The following IL1RAPL1 variants were observed in gnomAD, a reference collection of about 807,000 sequenced individuals.
The protein encoded by IL1RAPL1 is interleukin-1 receptor accessory protein-like 1.
IL1RAPL1 carries 3 observed loss-of-function variants against 48.4 expected under a neutral mutation model. The ratio of observed to expected loss-of-function variants is 0.06; its 90% confidence interval spans 0.03 to 0.16. The LOEUF (loss-of-function observed/expected upper bound fraction) is 0.16. IL1RAPL1 is among the 10% of genes least tolerant of loss of function. The pLI is 1.00. For missense variants in IL1RAPL1, 349 were observed against 530.6 expected (o/e 0.66, Z 3.36); for synonymous variants, 185 against 187.7 (o/e 0.99, Z 0.12).
chrX:29,000,040 G>A (rs971861785), intron 2 of IL1RAPL1, among the ~76,000 whole-genome samples: 3 of 111,490 alleles, frequency 2.7e-5, no homozygotes, highest in Non-Finnish European at 5.6e-5. Context: ...TAAGGAAAGA[G>A]TCTGCTGCTT....
intron 6 of IL1RAPL1, 134 bp downstream of exon 6, chrX:29,668,638 C>A: frequency 3.8e-6 from 2 of 528,678 alleles, no homozygotes; most frequent in Non-Finnish European, 6.6e-6. Flanking sequence ...TTAGAAAATG[C>A]TAGCATACCT....
rs1251589707 is a variant in IL1RAPL1, at chrX:29,237,049, C to T, written c.83-45889C>T. On this transcript the variant is annotated intron_variant, in intron 2 of 10. Coordinates refer to ENST00000378993, the MANE Select transcript of IL1RAPL1 (RefSeq NM_014271.4). ...CTTGCCTTTCACCTAGAGCCAAGTTCATTACAAATTCATGCTCACAGCCCA... is the reference window on the plus strand; with the variant it reads ...CTTGCCTTTCACCTAGAGCCAAGTTTATTACAAATTCATGCTCACAGCCCA... 3.6e-5 allele frequency among the ~76,000 whole-genome samples: 4 copies of T among 111,007 alleles called. No individual in the cohort carries two copies. The East Asian group carries it at 1.1e-3, about 32-fold the overall frequency.
intron 2 of IL1RAPL1, among the ~76,000 whole-genome samples, chrX:28,908,738 C>T (rs1349301416): frequency 5.4e-5 from 6 of 111,466 alleles, no homozygotes; most frequent in African/African-American, 1.6e-4. Flanking sequence ...TCAACTGTAT[C>T]CTAACAAATT....
At chrX:28,640,929 C>T (rs1308312551) in intron 1 of IL1RAPL1, among the ~76,000 whole-genome samples, 1 of 110,975 alleles carries the variant, frequency 9.0e-6, no homozygotes, top group African/African-American at 3.3e-5. Flanking sequence ...CATTTATCAT[C>T]CTCACAGTTT....
chrX:28,906,747 TTTTCA>T (rs1923226963), intron 2 of IL1RAPL1, among the ~76,000 whole-genome samples: 1 of 111,973 alleles, frequency 8.9e-6, no homozygotes, highest in Admixed American at 9.5e-5. Context: ...CTTTTCATTT[TTTTCA>T]TTTATTTCTT....
intron 3 of IL1RAPL1, among the ~76,000 whole-genome samples, chrX:29,381,368 G>A (rs1602205506): frequency 9.6e-6 from 1 of 104,117 alleles, no homozygotes; most frequent in African/African-American, 3.5e-5. Context: ...TCAAATTAAT[G>A]ACTTGGCTGG....
chrX:28,626,075 G>A (rs926310502), intron 1 of IL1RAPL1, among the ~76,000 whole-genome samples: 2 of 111,722 alleles, frequency 1.8e-5, no homozygotes, highest in Non-Finnish European at 3.8e-5. Context: ...TTAGAGTTGG[G>A]AGACTCACTG....
intron 1 of IL1RAPL1, among the ~76,000 whole-genome samples, chrX:28,772,121 T>C (rs1445324459): frequency 9.0e-6 from 1 of 110,749 alleles, no homozygotes; most frequent in African/African-American, 3.3e-5. Context: ...ATTTCATTGT[T>C]GGTAGATGAA....
chrX:29,492,212 C>T (rs758445880), intron 5 of IL1RAPL1, among the ~76,000 whole-genome samples: 3 of 112,256 alleles, frequency 2.7e-5, no homozygotes, highest in East Asian at 2.8e-4. Flanking sequence ...GTCTTGTAAC[C>T]GTAAGTGAAG....
At chrX:28,762,533 T>C (rs1410302371) in intron 1 of IL1RAPL1, among the ~76,000 whole-genome samples, 2 of 111,217 alleles carry the variant, frequency 1.8e-5, no homozygotes, top group Non-Finnish European at 3.8e-5. Flanking sequence ...TGGTAGAGTC[T>C]CTTTCAGACA....
At chrX:28,693,426 G>A (rs1935199933) in intron 1 of IL1RAPL1, among the ~76,000 whole-genome samples, 1 of 112,368 alleles carries the variant, frequency 8.9e-6, no homozygotes, top group Non-Finnish European at 1.9e-5. Context: ...TGCCTTTAAT[G>A]ATGTGTTATC....
chrX:29,474,410 C>T (rs1229956559), intron 5 of IL1RAPL1, among the ~76,000 whole-genome samples: 1 of 112,114 alleles, frequency 8.9e-6, no homozygotes, highest in Non-Finnish European at 1.9e-5. Context: ...AGTATTTGCC[C>T]TGTAGGGTGA....
At chrX:29,161,705 G>C (rs767407975) in intron 2 of IL1RAPL1, among the ~76,000 whole-genome samples, 1 of 112,078 alleles carries the variant, frequency 8.9e-6, no homozygotes, top group South Asian at 3.7e-4. Flanking sequence ...ATAAATATCT[G>C]TTGAGATGCT....
chrX:28,767,886 T>A (rs1030942509), intron 1 of IL1RAPL1, among the ~76,000 whole-genome samples: 1 of 111,744 alleles, frequency 8.9e-6, no homozygotes, highest in African/African-American at 3.2e-5. Context: ...CTGTTGCTAT[T>A]CTGGAAGTCT....
intron 4 of IL1RAPL1, among the ~76,000 whole-genome samples, chrX:29,397,604 A>C (rs1933934390): frequency 9.1e-6 from 1 of 109,957 alleles, no homozygotes; most frequent in African/African-American, 3.3e-5. Context: ...TCTTTTTTTA[A>C]TTGTTGGAGT....
At chrX:28,898,964 A>T (rs1355664079) in intron 2 of IL1RAPL1, among the ~76,000 whole-genome samples, 1 of 111,412 alleles carries the variant, frequency 9.0e-6, no homozygotes, top group Non-Finnish European at 1.9e-5. Context: ...GTATTAGTCC[A>T]TTTTCACACT....
chrX:29,953,456 T>G (rs956670388), intron 9 of IL1RAPL1, among the ~76,000 whole-genome samples: 1 of 111,913 alleles, frequency 8.9e-6, no homozygotes, highest in African/African-American at 3.2e-5. Context: ...TGATTGATAG[T>G]AGTCCTCAAA....
chrX:29,520,702 C>T (rs1196599805), intron 5 of IL1RAPL1, among the ~76,000 whole-genome samples: 13 of 111,509 alleles, frequency 1.2e-4, no homozygotes, highest in Non-Finnish European at 1.9e-5. Flanking sequence ...TCCCAAATAA[C>T]AAAAGGCTTA....
rs998209598 is a variant in IL1RAPL1 at position 29,380,623 on chromosome X, C to T, written c.363-15635C>T. ...GTTTTTGGGAATTTCTCACCACTGG[C>T]CTATAGTCTCATTAAAAATCTACTA... On this transcript the variant is annotated intron_variant, in intron 3 of 10. Coordinates refer to ENST00000378993, the MANE Select transcript of IL1RAPL1 (RefSeq NM_014271.4). Among the ~76,000 whole-genome samples the T allele has an allele frequency of 8.9e-5, 10 of 112,169 alleles. 1 individual carries two copies. The highest frequency in any genetic ancestry group is 8.5e-4 in the Admixed American group (9 of 10,580).
Sources: gnomAD v4.1 joint callset for allele counts (sites outside exome capture counted in the v4.1 genomes callset) on GRCh38, gnomAD v4.1.1 for gene constraint, MANE v1.5 for transcripts, NCBI Gene and HGNC (gene_info 2026-07-23, HGNC 2026-07-21) for gene names.